The following DCDC1 variants were observed in gnomAD, a reference collection of about 807,000 sequenced individuals.
DCDC1 encodes the protein doublecortin domain containing 1.
In DCDC1, 200 loss-of-function variants were observed where a neutral mutation model predicts 178.3. The ratio of observed to expected loss-of-function variants is 1.12; its 90% CI spans 1.00 to 1.26. The LOEUF (loss-of-function observed/expected upper bound fraction) is 1.26. Among genes scored for constraint, DCDC1 ranks in the 50% most tolerant of loss-of-function variants. The pLI is 0.00. For missense variants in DCDC1, 1,983 were observed against 1,749.2 expected (o/e 1.13, Z -2.38); for synonymous variants, 690 against 604.8 (o/e 1.14, Z -2.07).
intron 22 of DCDC1, among the ~76,000 whole-genome samples, chr11:30,930,902 T>A (rs80124244): frequency 0.027 from 4,109 of 152,238 alleles, 185 homozygotes; most frequent in African/African-American, 0.093. Context: ...TACTTTGAAG[T>A]TTAATTTTTT....
rs35225668 is a variant in DCDC1, at chr11:31,005,952, GAAAAAAA to G, written c.2592-53391_2592-53385del. On this transcript the variant is annotated intron_variant, in intron 20 of 38. Coordinates refer to ENST00000684477, the MANE Select transcript of DCDC1 (RefSeq NM_001387274.1). ...CAACAGGCATATAGCTCTTATTCCT[GAAAAAAA>G]AAAAAAAAAAAAAAAAAAACTTTTG... is the stretch of plus-strand genomic sequence containing the variant. Among the ~76,000 whole-genome samples the G allele has an allele frequency of 1.2e-3, 55 of 47,808 alleles. 1 individual carries two copies. Among genetic ancestry groups the G allele is most frequent in the South Asian group, 7.8e-3 (10 of 1,278 alleles). The allele number at this position is 47,808 out of a possible 152,430, so 31.4% of individuals were successfully genotyped here.
chr11:31,204,563 C>T (rs1356237208), intron 9 of DCDC1, among the ~76,000 whole-genome samples: 1 of 152,182 alleles, frequency 6.6e-6, no homozygotes, highest in Non-Finnish European at 1.5e-5. Context: ...GGGCTCATGC[C>T]TGTAATCCCA....
intron 30 of DCDC1, 111 bp from the exon 31 acceptor site, chr11:30,905,275 C>A: frequency 8.9e-7 from 1 of 1,121,094 alleles, no homozygotes; most frequent in Non-Finnish European, 1.2e-6. Context: ...CTACATTTTG[C>A]AATGCTCTCT....
chr11:30,931,758 A>C lies in DCDC1; in HGVS notation c.2897+13T>G. ...GAAAGTGTATTTAATAAGTATGAAC[A>C]AGTTGTTCTTACTGCGTTTTCCGTC... On this transcript the variant is annotated intron_variant, in intron 22 of 38. Coordinates refer to ENST00000684477, the MANE Select transcript of DCDC1 (RefSeq NM_001387274.1). 6.2e-7 allele frequency: 1 copy of C among 1,605,920 alleles called. No homozygotes were observed.
At chr11:30,977,962 CTA>C (rs1370361178) in intron 20 of DCDC1, among the ~76,000 whole-genome samples, 1 of 152,150 alleles carries the variant, frequency 6.6e-6, no homozygotes, top group African/African-American at 2.4e-5. Context: ...AATGTAATTG[CTA>C]AGTCAAAGAA....
chr11:31,047,561 T>C (rs988956930), intron 20 of DCDC1, among the ~76,000 whole-genome samples: 1 of 152,206 alleles, frequency 6.6e-6, no homozygotes, highest in African/African-American at 2.4e-5. Flanking sequence ...GAGTAGACTA[T>C]CACTTTTATT....
chr11:31,309,508 C>G (rs1377369834), intron 3 of DCDC1, among the ~76,000 whole-genome samples: 1 of 152,092 alleles, frequency 6.6e-6, no homozygotes, highest in African/African-American at 2.4e-5. Flanking sequence ...AGCAATGGAG[C>G]TTCACACGGT....
intron 11 of DCDC1, among the ~76,000 whole-genome samples, chr11:31,120,214 G>T (rs531148944): frequency 1.3e-5 from 2 of 152,222 alleles, no homozygotes; most frequent in South Asian, 4.2e-4. Context: ...TACAATAGAA[G>T]AGAACACTAT....
At position 31,064,581 on chromosome 11, in the gene DCDC1, C is replaced by G. The variant is rs1201764430; in HGVS notation, c.2479G>C (p.Glu827Gln). 2 of 766,000 alleles carry G rather than the reference C, an allele frequency of 2.6e-6. No individual in the cohort carries two copies. The highest frequency in any genetic ancestry group is 4.8e-6 in the Non-Finnish European group (2 of 417,600). 47.5% of individuals were successfully genotyped at this position (766,000 alleles called of 1,614,324 possible). A position where few individuals can be genotyped will look rare whatever the true frequency, so the allele number is the denominator to read the frequency against. ...ASNLGLKQLP[E>Q]PSDTHLMPEG... The stretch of plus-strand genomic sequence containing the variant: ...GGCATTAAATGGGTGTCTGAGGGTT[C>G]TGGCAGTTGCTTCAGACCAAGGTTG... The change falls in exon 20 of 39, where the codon GAA becomes CAA. Residue 827 changes from glutamate (E) to glutamine (Q), a missense_variant. Coordinates refer to ENST00000684477, the MANE Select transcript of DCDC1 (RefSeq NM_001387274.1).
At chr11:31,192,074 G>A (rs187171800) in intron 9 of DCDC1, among the ~76,000 whole-genome samples, 111 of 151,990 alleles carry the variant, frequency 7.3e-4, no homozygotes, top group Non-Finnish European at 1.0e-3. Flanking sequence ...TCCTTATCCA[G>A]GTAATCACTA....
rs1469924813 is a variant in DCDC1 at position 30,899,642 on chromosome 11, G to C, written c.4664C>G (p.Ala1555Gly). The C allele has an allele frequency of 1.3e-6, 2 of 1,529,284 alleles. No individual in the cohort carries two copies. The highest frequency in any genetic ancestry group is 8.8e-7 in the Non-Finnish European group (1 of 1,138,900). The allele number at this position is 1,529,284 out of a possible 1,614,324, so 94.7% of individuals were successfully genotyped here. The change falls in exon 34 of 39, where the codon GCT (alanine) becomes GGT (glycine). Residue 1555 changes from alanine (A) to glycine (G), a missense_variant and splice_region_variant. By Grantham distance (60) the Ala-to-Gly change is moderately conservative. Coordinates refer to ENST00000684477, the MANE Select transcript of DCDC1 (RefSeq NM_001387274.1). ...CTCTAATTTTTCTGCTTTCTGCAAA[G>C]CTAGAATAATAAAAATACAAGATAT... ...SCGEPFLPPNALQKAEKLEKQ... is the reference protein window; with the variant it reads ...SCGEPFLPPNGLQKAEKLEKQ...
At chr11:31,123,349 G>T (rs553932150) in intron 11 of DCDC1, among the ~76,000 whole-genome samples, 2 of 152,148 alleles carry the variant, frequency 1.3e-5, no homozygotes, top group African/African-American at 4.8e-5. Flanking sequence ...ATAGTAAAAT[G>T]TAATTTAAAA....
At chr11:31,201,028 C>T (rs1300417243) in intron 9 of DCDC1, among the ~76,000 whole-genome samples, 1 of 151,850 alleles carries the variant, frequency 6.6e-6, no homozygotes, top group Non-Finnish European at 1.5e-5. Context: ...GAGCACTTTC[C>T]ACACTTCACA....
At chr11:31,110,228 T>A (rs1275450609) in intron 12 of DCDC1, 32 bp downstream of exon 12, 2 of 686,114 alleles carry the variant, frequency 2.9e-6, no homozygotes, top group Non-Finnish European at 5.3e-6. Context: ...GCAAGACACT[T>A]AAAGTCATAA....
rs1017287185 is a variant in DCDC1, at chr11:31,064,323, C to G, written c.2591+146G>C. 11 of 586,550 alleles carry G rather than the reference C, an allele frequency of 1.9e-5. No individual in the cohort carries two copies. The African/African-American group carries it at 2.0e-4, about 11-fold the overall frequency. The allele number at this position is 586,550 out of a possible 1,614,324, so 36.3% of individuals were successfully genotyped here. A position where few individuals can be genotyped will look rare whatever the true frequency, so the allele number is the denominator to read the frequency against. ...ACACATAAATGTCACCTTTCTTCAT[C>G]AAATGTGACCCAAAAACTACTACGC... On this transcript the variant is annotated intron_variant, in intron 20 of 38. Transcript: ENST00000684477.
intron 21 of DCDC1, among the ~76,000 whole-genome samples, chr11:30,945,730 ATCTATCTATCTATCTATCTGTCTG>A (rs1250862125): frequency 3.3e-4 from 48 of 146,556 alleles, no homozygotes; most frequent in African/African-American, 1.2e-3. Context: ...CTATCTATCT[ATCTATCTATCTATCTATCTGTCTG>A]TCTGTCTATC....
At chr11:31,042,948 A>G (rs1322496982) in intron 20 of DCDC1, among the ~76,000 whole-genome samples, 1 of 152,206 alleles carries the variant, frequency 6.6e-6, no homozygotes, top group Non-Finnish European at 1.5e-5. Flanking sequence ...CATTTAACAA[A>G]TAAGTTCAGG....
intron 20 of DCDC1, among the ~76,000 whole-genome samples, chr11:30,959,470 C>T (rs992616995): frequency 2.6e-5 from 4 of 152,114 alleles, no homozygotes; most frequent in African/African-American, 9.7e-5. Context: ...TATATACTCC[C>T]AGAGAGAGGG....
intron 9 of DCDC1, among the ~76,000 whole-genome samples, chr11:31,166,781 A>G (rs1966827778): frequency 1.3e-5 from 2 of 152,192 alleles, no homozygotes; most frequent in South Asian, 4.1e-4. Flanking sequence ...TTTTGCAAAT[A>G]GAAGTGACCA....
Sources: gnomAD v4.1 joint callset for allele counts (sites outside exome capture counted in the v4.1 genomes callset) on GRCh38, gnomAD v4.1.1 for gene constraint, MANE v1.5 for transcripts, NCBI Gene and HGNC (gene_info 2026-07-23, HGNC 2026-07-21) for gene names.